Variants in NLGN1 observed in about 807,000 individuals in gnomAD.
NLGN1 encodes the protein neuroligin-1.
NLGN1 carries 12 observed loss-of-function variants against 65.5 expected under a neutral mutation model. The ratio of observed to expected loss-of-function variants is 0.18; its 90% CI spans 0.12 to 0.30. The LOEUF is 0.30. Ranked by LOEUF, NLGN1 falls within the 10% of genes least tolerant of loss-of-function variation. NLGN1 has a pLI of 1.00. For synonymous variants in NLGN1, 350 were observed against 359.5 expected, an observed-to-expected ratio of 0.97 and a Z score of 0.30; for missense variants, 750 against 1,007.1, an observed-to-expected ratio of 0.74 and a Z score of 3.46.
intron 2 of NLGN1, among the ~76,000 whole-genome samples, chr3:173,447,663 T>C (rs1720641268): frequency 6.6e-6 from 1 of 152,196 alleles, no homozygotes; most frequent in Non-Finnish European, 1.5e-5. Context: ...TATGGCCATT[T>C]TCATGATATT....
At chr3:174,293,063 A>G in the NLGN1 span, among the ~76,000 whole-genome samples, 7 of 151,594 alleles carry the variant, frequency 4.6e-5, no homozygotes, top group African/African-American at 1.7e-4. Context: ...AAATATGTAG[A>G]TTTTTAAAAA....
intron 1 of NLGN1, among the ~76,000 whole-genome samples, chr3:173,422,479 G>A (rs1295389422): frequency 6.6e-6 from 1 of 152,078 alleles, no homozygotes; most frequent in East Asian, 1.9e-4. Context: ...TTTCCTTTTG[G>A]ATATACCCAG....
intron 3 of NLGN1, among the ~76,000 whole-genome samples, chr3:173,702,788 A>C (rs752062911): frequency 2.7e-4 from 41 of 152,168 alleles, no homozygotes; most frequent in Admixed American, 1.1e-3. Context: ...TGCAGTTAGG[A>C]GGAAAAAAAG....
chr3:174,290,248 T>C (rs1018199907), downstream of NLGN1, among the ~76,000 whole-genome samples: 4 of 150,736 alleles, frequency 2.7e-5, no homozygotes, highest in South Asian at 2.1e-4. Context: ...TATAAAGCTA[T>C]TGTAATCAAA....
chr3:173,663,746 T>C (rs1053941043), intron 3 of NLGN1, among the ~76,000 whole-genome samples: 1 of 151,968 alleles, frequency 6.6e-6, no homozygotes, highest in Admixed American at 6.6e-5. Flanking sequence ...CACTAGTATG[T>C]CCAGTAAGGT....
intron 3 of NLGN1, among the ~76,000 whole-genome samples, chr3:173,626,245 A>T (rs992210188): frequency 6.6e-6 from 1 of 152,088 alleles, no homozygotes; most frequent in African/African-American, 2.4e-5. Context: ...AATTGCTACC[A>T]TTTTGGGCAG....
At chr3:173,487,346 G>A (rs1322986751) in intron 2 of NLGN1, among the ~76,000 whole-genome samples, 1 of 151,522 alleles carries the variant, frequency 6.6e-6, no homozygotes, top group African/African-American at 2.4e-5. Context: ...GTTGCAGTGT[G>A]GTTTGTATGC....
chr3:173,577,678 T>G (rs1745720521), intron 2 of NLGN1, among the ~76,000 whole-genome samples: 2 of 152,340 alleles, frequency 1.3e-5, no homozygotes, highest in Admixed American at 1.3e-4. Context: ...TAAATCATTC[T>G]GCTTGTTTCT....
intron 3 of NLGN1, among the ~76,000 whole-genome samples, chr3:173,653,319 T>A (rs1759507022): frequency 6.6e-6 from 1 of 152,232 alleles, no homozygotes; most frequent in African/African-American, 2.4e-5. Flanking sequence ...TGTCTTGTTC[T>A]AGTTTTAAAA....
intron 1 of NLGN1, among the ~76,000 whole-genome samples, chr3:173,416,118 TA>T (rs1713742916): frequency 2.0e-5 from 3 of 152,130 alleles, no homozygotes; most frequent in African/African-American, 7.2e-5. Context: ...ATATAACACT[TA>T]CATCACTTAC....
intron 3 of NLGN1, among the ~76,000 whole-genome samples, chr3:173,675,351 A>G (rs950568611): frequency 1.3e-5 from 2 of 152,104 alleles, no homozygotes; most frequent in African/African-American, 4.8e-5. Context: ...TTGCGCATAT[A>G]TCTCTCAATT....
At chr3:174,096,050 C>T (rs2152568947) in intron 4 of NLGN1, among the ~76,000 whole-genome samples, 1 of 151,416 alleles carries the variant, frequency 6.6e-6, no homozygotes, top group East Asian at 1.9e-4. Context: ...TTTATAAACA[C>T]CATCATGAGC....
At chr3:173,603,077 A>G (rs1368159780) in intron 2 of NLGN1, among the ~76,000 whole-genome samples, 1 of 152,130 alleles carries the variant, frequency 6.6e-6, no homozygotes, top group Non-Finnish European at 1.5e-5. Context: ...TAGTTTTTAC[A>G]ATCTCCTTTT....
intron 4 of NLGN1, among the ~76,000 whole-genome samples, chr3:174,085,965 A>G (rs963659301): frequency 6.6e-6 from 1 of 151,998 alleles, no homozygotes; most frequent in Non-Finnish European, 1.5e-5. Flanking sequence ...TTCCGTTACA[A>G]TGATGATTGT....
At chr3:174,088,097 T>TA (rs1743764989) in intron 4 of NLGN1, among the ~76,000 whole-genome samples, 1 of 152,186 alleles carries the variant, frequency 6.6e-6, no homozygotes, top group Admixed American at 6.5e-5. Flanking sequence ...TGCCAAGATA[T>TA]AAAATAAAGT....
chr3:173,724,846 T>C (rs1234910787), intron 3 of NLGN1, among the ~76,000 whole-genome samples: 1 of 152,192 alleles, frequency 6.6e-6, no homozygotes, highest in Non-Finnish European at 1.5e-5. Flanking sequence ...TGGAATACTA[T>C]GCAGCCATAA....
chr3:173,593,556 A>G (rs1166714307), intron 2 of NLGN1, among the ~76,000 whole-genome samples: 1 of 152,172 alleles, frequency 6.6e-6, no homozygotes, highest in Non-Finnish European at 1.5e-5. Context: ...GACTTGAAGG[A>G]CTAGGGAAGG....
Position 174,136,150 on chromosome 3 carries a change from A to G in NLGN1, c.647-139165A>G, listed in dbSNP as rs1008659085. Among the ~76,000 whole-genome samples the G allele has an allele frequency of 7.2e-5, 11 of 152,266 alleles. No homozygotes were observed. In the East Asian group the frequency reaches 1.9e-3, roughly 27 times the overall value. ...AATTTCTGAACATCTGCAGCAGGATACAATAGATATAGGTTACAAAAGATG... is the reference window on the plus strand; with the variant it reads ...AATTTCTGAACATCTGCAGCAGGATGCAATAGATATAGGTTACAAAAGATG... On this transcript the variant is annotated intron_variant, in intron 4 of 6. Transcript: ENST00000457714.
intron 1 of NLGN1, among the ~76,000 whole-genome samples, chr3:173,420,720 G>A (rs1243199582): frequency 6.6e-6 from 1 of 152,130 alleles, no homozygotes; most frequent in East Asian, 1.9e-4. Flanking sequence ...TATATTTTAT[G>A]TGTGGCCCAA....
Sources: allele counts gnomAD v4.1 joint callset (sites outside exome capture counted in the v4.1 genomes callset), GRCh38; gene constraint gnomAD v4.1.1; transcripts MANE v1.5; gene names NCBI Gene and HGNC (gene_info 2026-07-23, HGNC 2026-07-21).